The following ZNF575 variants were observed in gnomAD, a reference collection of about 807,000 sequenced individuals.
ZNF575 encodes the protein zinc finger protein 575.
In ZNF575, 17 loss-of-function variants were observed where a neutral mutation model predicts 17.5. That is an observed-to-expected ratio of 0.97 (90% CI 0.66 to 1.45). The LOEUF (loss-of-function observed/expected upper bound fraction) is 1.45. ZNF575 is among the 40% of genes most tolerant of loss of function. ZNF575 has a pLI of 0.00. For missense variants in ZNF575, 352 were observed against 359.2 expected (o/e 0.98, Z 0.16); for synonymous variants, 146 against 158.3 (o/e 0.92, Z 0.58).
At position 43,534,105 on chromosome 19, in the gene ZNF575, GC is replaced by G. The variant is rs554154733; in HGVS notation, c.-87+207del. On this transcript the variant is annotated intron_variant, in intron 2 of 3. Coordinates refer to ENST00000314228, the MANE Select transcript of ZNF575 (RefSeq NM_174945.3). ...AAGGTCCCGCCCACTCTGCGCATAG[GC>G]CCCGCCGGCTCCGCGCTTAAGACGG... is the stretch of plus-strand genomic sequence containing the variant. The G allele has an allele frequency of 7.0e-4, 303 of 434,968 alleles. 2 individuals carry two copies. Among genetic ancestry groups the G allele is most frequent in the Middle Eastern group, 4.1e-3 (7 of 1,712 alleles). The allele number at this position is 434,968 out of a possible 1,614,324, so 26.9% of individuals were successfully genotyped here.
chr19:43,534,229 G>T lies in ZNF575; in HGVS notation c.-86-108G>T, dbSNP rs1600029964. ...ACTGCCTCTGGCTTGAATTTGCATA[G>T]CCCCGCTCACTGTGCTCTTAGGCTC... On this transcript the variant is annotated intron_variant, in intron 2 of 3. Coordinates refer to ENST00000314228, the MANE Select transcript of ZNF575 (RefSeq NM_174945.3). The T allele has an allele frequency of 1.1e-5, 6 of 569,720 alleles. No individual in the cohort carries two copies. The East Asian group carries it at 2.0e-4, about 19-fold the overall frequency. 35.3% of individuals were successfully genotyped at this position (569,720 alleles called of 1,614,324 possible). A position where few individuals can be genotyped will look rare whatever the true frequency, so the allele number is the denominator to read the frequency against.
upstream of ZNF575, among the ~76,000 whole-genome samples, chr19:43,531,408 C>T (rs999889957): frequency 1.3e-5 from 2 of 152,096 alleles, no homozygotes; most frequent in African/African-American, 4.8e-5. Context: ...ATGGTGAAAC[C>T]CTGTCTCTAC....
At position 43,535,790 on chromosome 19, in the gene ZNF575, C is replaced by A; in HGVS notation, c.*103C>A. ...GAGCTCGCCTCTTCCAGATAGCTGG[C>A]AGAGGGCAGGGCAAGGGATTGGCCA... On this transcript the variant is annotated 3_prime_UTR_variant, in exon 4 of 4. Coordinates refer to ENST00000314228, the MANE Select transcript of ZNF575 (RefSeq NM_174945.3). 1 of 1,348,926 alleles carries A rather than the reference C, an allele frequency of 7.4e-7. No individual in the cohort carries two copies. The highest frequency in any genetic ancestry group is 9.9e-7 in the Non-Finnish European group (1 of 1,009,820). The allele number at this position is 1,348,926 out of a possible 1,614,324, so 83.6% of individuals were successfully genotyped here.
chr19:43,531,795 T>C (rs1451421493), upstream of ZNF575: 8 of 675,978 alleles, frequency 1.2e-5, no homozygotes, highest in Non-Finnish European at 2.1e-5. Flanking sequence ...TAAAAACTTT[T>C]TTTTTAAAGA....
At position 43,535,574 on chromosome 19, in the gene ZNF575, G is replaced by GC; in HGVS notation, c.626dup (p.Thr210AspfsTer59). 6.2e-7 allele frequency: 1 copy of GC among 1,613,850 alleles called. No homozygotes were observed. On this transcript the variant is annotated frameshift_variant, in exon 4 of 4. Coordinates refer to ENST00000314228, the MANE Select transcript of ZNF575 (RefSeq NM_174945.3). LOFTEE classifies it high-confidence loss of function. ...CCCCCCAACCGCGCCCGGCAGCCAGGCGACTGCCTGGCACCGATGCTCCAG... is the reference window on the plus strand; with the variant it reads ...CCCCCCAACCGCGCCCGGCAGCCAGGCCGACTGCCTGGCACCGATGCTCCAG...
upstream of ZNF575, among the ~76,000 whole-genome samples, chr19:43,532,416 C>A (rs1394939266): frequency 6.6e-6 from 1 of 152,166 alleles, no homozygotes; most frequent in Non-Finnish European, 1.5e-5. Flanking sequence ...GACAGGGAGC[C>A]CGGCCTAGGC....
chr19:43,534,384 C>T lies in ZNF575; in HGVS notation c.-39C>T. On this transcript the variant is annotated 5_prime_UTR_variant, in exon 3 of 4. Transcript: ENST00000314228. ...AGCCTGGTCATCACCGGCGTCACCC[C>T]CGCCCCGCGCCCTGCCCCTAGGTTC... is the stretch of plus-strand genomic sequence containing the variant. 1 of 1,537,522 alleles carries T rather than the reference C, an allele frequency of 6.5e-7. No individual in the cohort carries two copies. Among genetic ancestry groups the T allele is most frequent in the Admixed American group, 2.1e-5 (1 of 48,740 alleles).
chr19:43,535,296 C>G lies in ZNF575; in HGVS notation c.347C>G (p.Ala116Gly). The G allele has an allele frequency of 6.2e-7, 1 of 1,611,732 alleles. No individual in the cohort carries two copies. The highest frequency in any genetic ancestry group is 2.2e-5 in the East Asian group (1 of 44,796). ...GCCCACCGCCTCACGCACAGCGGCG[C>G]CCGCCCGCACCCGTGCCCACACTGC... is the stretch of plus-strand genomic sequence containing the variant. The part of the protein sequence containing the change: ...LAAHRLTHSG[A>G]RPHPCPHCPK... The change falls in exon 4 of 4, where the codon GCC (alanine) becomes GGC (glycine). Residue 116 changes from alanine (A) to glycine (G), a missense_variant. By Grantham distance (60) the Ala-to-Gly change is moderately conservative (BLOSUM62 0). Transcript: ENST00000314228.
rs1026721425 is a variant in ZNF575 at position 43,535,727 on chromosome 19, T to C, written c.*40T>C. 4.6e-6 allele frequency: 7 copies of C among 1,535,420 alleles called. No homozygotes were observed. The highest frequency in any genetic ancestry group is 6.1e-6 in the Non-Finnish European group (7 of 1,139,576). On this transcript the variant is annotated 3_prime_UTR_variant, in exon 4 of 4. Transcript: ENST00000314228. ...CACTGTCCCCTTCTGCCGCCAGCCC[T>C]AGCCAGTAAGAGGTGGGATTTCTAA...
rs1427972945 is a variant in ZNF575, at chr19:43,535,909, A to G, written c.*222A>G. ...CATGGACGTGGAGCTGTGGTTTGACAGCGCTGGCTCTGCTTCTCCCCACAC... is the reference window on the plus strand; with the variant it reads ...CATGGACGTGGAGCTGTGGTTTGACGGCGCTGGCTCTGCTTCTCCCCACAC... On this transcript the variant is annotated 3_prime_UTR_variant, in exon 4 of 4. Transcript: ENST00000314228. The G allele has an allele frequency of 6.8e-6, 4 of 591,640 alleles. No homozygotes were observed. The highest frequency in any genetic ancestry group is 1.2e-5 in the Non-Finnish European group (4 of 337,472). 36.6% of individuals were successfully genotyped at this position (591,640 alleles called of 1,614,324 possible).
chr19:43,535,484 T>G lies in ZNF575; in HGVS notation c.535T>G (p.Cys179Gly). 1 of 1,613,692 alleles carries G rather than the reference T, an allele frequency of 6.2e-7. No individual in the cohort carries two copies. The highest frequency in any genetic ancestry group is 8.5e-7 in the Non-Finnish European group (1 of 1,179,868). ...HHATDARPYP[C>G]PHCPKAFSFP... Reference sequence around the variant, plus strand: ...CGCCACCGACGCCCGCCCCTATCCTTGCCCGCATTGCCCCAAGGCTTTCTC... The same window carrying G: ...CGCCACCGACGCCCGCCCCTATCCTGGCCCGCATTGCCCCAAGGCTTTCTC... Residue 179 changes from cysteine (C) to glycine (G), a missense_variant, in exon 4 of 4, where the codon TGC (cysteine) becomes GGC (glycine). By Grantham distance (159) the Cys-to-Gly change is radical. Coordinates refer to ENST00000314228, the MANE Select transcript of ZNF575 (RefSeq NM_174945.3).
At chr19:43,534,547 G>A (rs1338843811) in intron 3 of ZNF575, 46 bp downstream of exon 3, 2 of 1,392,978 alleles carry the variant, frequency 1.4e-6, no homozygotes, top group Non-Finnish European at 1.9e-6. Flanking sequence ...CCAGGAACGG[G>A]GGCCAAAATA....
chr19:43,534,300 A>G, intron 2 of ZNF575, 37 bp from the exon 3 acceptor site: 1 of 909,766 alleles, frequency 1.1e-6, no homozygotes, highest in Non-Finnish European at 1.7e-6. Context: ...CCATACTTGC[A>G]GACCTTGCTC....
Position 43,535,309 on chromosome 19 carries a change from G to A in ZNF575, c.360G>A (p.Pro120=), listed in dbSNP as rs752678334. The change falls in exon 4 of 4, where the codon CCG becomes CCA. Residue 120 remains proline, a synonymous_variant. Transcript: ENST00000314228. ...RLTHSGARPH[P]CPHCPKSFGH... ...CGCACAGCGGCGCCCGCCCGCACCCGTGCCCACACTGCCCGAAGTCCTTTG... is the reference window on the plus strand; with the variant it reads ...CGCACAGCGGCGCCCGCCCGCACCCATGCCCACACTGCCCGAAGTCCTTTG... The A allele has an allele frequency of 3.5e-5, 53 of 1,527,434 alleles. No individual in the cohort carries two copies. In the Admixed American group the frequency reaches 9.5e-4, roughly 27 times the overall value. The allele number at this position is 1,527,434 out of a possible 1,614,324, so 94.6% of individuals were successfully genotyped here. A position where few individuals can be genotyped will look rare whatever the true frequency, so the allele number is the denominator to read the frequency against.
Position 43,535,173 on chromosome 19 carries a change from C to G in ZNF575, c.224C>G (p.Pro75Arg). The G allele has an allele frequency of 6.2e-7, 1 of 1,606,582 alleles. No homozygotes were observed. The highest frequency in any genetic ancestry group is 8.5e-7 in the Non-Finnish European group (1 of 1,177,302). Residue 75 changes from proline (P) to arginine (R), a missense_variant, in exon 4 of 4, where the codon CCG (proline) becomes CGG (arginine). Pro to Arg is a moderately radical substitution (Grantham distance 103, BLOSUM62 -2). Coordinates refer to ENST00000314228, the MANE Select transcript of ZNF575 (RefSeq NM_174945.3). The part of the protein sequence containing the change: ...CPDCDKAFSY[P>R]SKLATHRLAH... ...GACTGTGACAAGGCCTTCTCGTACC[C>G]GTCCAAGCTGGCCACGCACCGCTTA...
chr19:43,534,965 G>A (rs1972392995), intron 3 of ZNF575, 64 bp from the exon 4 acceptor site: 3 of 1,350,868 alleles, frequency 2.2e-6, no homozygotes, highest in Middle Eastern at 2.8e-4. Context: ...AGTCGTGGCG[G>A]AGCCTGGCCT....
Position 43,535,064 on chromosome 19 carries a change from T to G in ZNF575, c.115T>G (p.Ser39Ala), listed in dbSNP as rs1972394048. The G allele has an allele frequency of 6.7e-7, 1 of 1,486,792 alleles. No homozygotes were observed. The highest frequency in any genetic ancestry group is 1.3e-5 in the South Asian group (1 of 77,504). 92.1% of individuals were successfully genotyped at this position (1,486,792 alleles called of 1,614,324 possible). ...HQGPPQKPSQ[S>A]APGPTASAGS... ...GGGCCCACCGCAGAAGCCCAGCCAG[T>G]CAGCTCCAGGGCCCACCGCGTCCGC... Residue 39 changes from serine to alanine, a missense_variant, in exon 4 of 4, where the codon TCA becomes GCA. Physicochemically the swap from Ser to Ala is moderately conservative, Grantham distance 99. Transcript: ENST00000314228.
In ZNF575 at chr19:43,535,899, G is replaced by A; in HGVS notation, c.*212G>A. The A allele has an allele frequency of 1.6e-6, 1 of 607,012 alleles. No homozygotes were observed. The highest frequency in any genetic ancestry group is 2.9e-6 in the Non-Finnish European group (1 of 349,570). 37.6% of individuals were successfully genotyped at this position (607,012 alleles called of 1,614,324 possible). On this transcript the variant is annotated 3_prime_UTR_variant, in exon 4 of 4. Transcript: ENST00000314228. ...GATCTCAAACCATGGACGTGGAGCT[G>A]TGGTTTGACAGCGCTGGCTCTGCTT...
At chr19:43,531,941 A>AATT (rs1972349585), upstream of ZNF575, 8 of 172,980 alleles carry the variant, frequency 4.6e-5, no homozygotes, top group Admixed American at 9.3e-5. Context: ...ATTAAGCCAG[A>AATT]CTTTTTTTTT....
Sources: allele counts gnomAD v4.1 joint callset (sites outside exome capture counted in the v4.1 genomes callset), GRCh38; gene constraint gnomAD v4.1.1; transcripts MANE v1.5; gene names NCBI Gene and HGNC (gene_info 2026-07-23, HGNC 2026-07-21).